The following VAC14 variants were observed in gnomAD, a reference collection of about 807,000 sequenced individuals.
VAC14 encodes VAC14 component of PIKFYVE complex.
VAC14 carries 47 observed loss-of-function variants against 85.3 expected under a neutral mutation model. The ratio of observed to expected loss-of-function variants is 0.55; its 90% CI spans 0.44 to 0.70. The LOEUF (loss-of-function observed/expected upper bound fraction) is 0.70. VAC14 is among the 30% of genes least tolerant of loss of function. The probability of loss-of-function intolerance (pLI) is 0.00; values close to 1 mark genes in which losing one functional copy is unlikely to be tolerated. For missense variants in VAC14, 861 were observed against 1,004.3 expected (o/e 0.86, Z 1.93); for synonymous variants, 447 against 430.5 (o/e 1.04, Z -0.47).
At chr16:70,799,774 T>C (rs1056374206) in intron 1 of VAC14, among the ~76,000 whole-genome samples, 23 of 152,188 alleles carry the variant, frequency 1.5e-4, no homozygotes, top group African/African-American at 2.7e-4. Flanking sequence ...CACCACGGAA[T>C]AGATTAGAGC....
chr16:70,695,641 G>A lies in VAC14; in HGVS notation c.1956-18C>T. ...GGTCCCCACTGGGTGTGCAGTCAAG[G>A]AAAGTCTGTCTGCTGGGCCAGCACA... is the stretch of plus-strand genomic sequence containing the variant. On this transcript the variant is annotated intron_variant, in intron 16 of 18. Coordinates refer to ENST00000261776, the MANE Select transcript of VAC14 (RefSeq NM_018052.5). 1.2e-6 allele frequency: 2 copies of A among 1,610,718 alleles called. No homozygotes were observed. The highest frequency in any genetic ancestry group is 1.7e-6 in the Non-Finnish European group (2 of 1,177,488).
At chr16:70,708,105 T>C (rs1446730134) in intron 14 of VAC14, among the ~76,000 whole-genome samples, 1 of 152,138 alleles carries the variant, frequency 6.6e-6, no homozygotes, top group African/African-American at 2.4e-5. Flanking sequence ...TTATTTTCCA[T>C]GTGTCTTTTC....
intron 12 of VAC14, among the ~76,000 whole-genome samples, chr16:70,761,536 G>A (rs1258698718): frequency 1.3e-5 from 2 of 152,250 alleles, no homozygotes; most frequent in Non-Finnish European, 2.9e-5. Context: ...CTGGGAGGCA[G>A]GGGAACCCGG....
chr16:70,765,708 T>C (rs2032753541), intron 10 of VAC14, among the ~76,000 whole-genome samples: 2 of 152,156 alleles, frequency 1.3e-5, no homozygotes, highest in South Asian at 4.1e-4. Flanking sequence ...CCTGGTGGCA[T>C]CGCCTCCACT....
chr16:70,782,860 G>A (rs1246038012), intron 7 of VAC14, among the ~76,000 whole-genome samples, 173 bp downstream of exon 7: 5 of 152,168 alleles, frequency 3.3e-5, no homozygotes, highest in African/African-American at 1.2e-4. Context: ...ACCTCCCTCT[G>A]TGAGACCCAG....
intron 13 of VAC14, among the ~76,000 whole-genome samples, chr16:70,741,192 A>G (rs2030263843): frequency 6.6e-6 from 1 of 152,262 alleles, no homozygotes; most frequent in South Asian, 2.1e-4. Context: ...AAACAGGAAG[A>G]GGGTATGGCT....
At chr16:70,694,657 C>G (rs1473867517) in intron 17 of VAC14, among the ~76,000 whole-genome samples, 2 of 152,230 alleles carry the variant, frequency 1.3e-5, no homozygotes, top group Non-Finnish European at 2.9e-5. Context: ...TGGCCACCAG[C>G]AGAGTGGCCT....
intron 17 of VAC14, 147 bp from the exon 18 acceptor site, chr16:70,693,118 C>A (rs2053632101): frequency 8.9e-7 from 1 of 1,126,572 alleles, no homozygotes; most frequent in East Asian, 2.6e-5. Flanking sequence ...GTGGACCCAG[C>A]CAGGTGGCTG....
chr16:70,755,883 C>A (rs1003430664), intron 12 of VAC14: 13 of 393,134 alleles, frequency 3.3e-5, no homozygotes, highest in Non-Finnish European at 5.6e-5. Flanking sequence ...GCAGCCCCAG[C>A]CACCTGGGAA....
chr16:70,764,285 GC>G (rs2032637024), intron 10 of VAC14, among the ~76,000 whole-genome samples: 1 of 152,192 alleles, frequency 6.6e-6, no homozygotes, highest in Non-Finnish European at 1.5e-5. Flanking sequence ...TCCTCTGGTG[GC>G]CAGGAGCTCC....
chr16:70,757,186 T>C (rs746074117), intron 12 of VAC14, among the ~76,000 whole-genome samples: 3 of 152,190 alleles, frequency 2.0e-5, no homozygotes, highest in Non-Finnish European at 4.4e-5. Flanking sequence ...TAGGCCCAAC[T>C]GCAAAGAAAA....
intron 13 of VAC14, among the ~76,000 whole-genome samples, chr16:70,740,370 G>C (rs1269394845): frequency 6.6e-6 from 1 of 152,234 alleles, no homozygotes; most frequent in Non-Finnish European, 1.5e-5. Context: ...GCCTCAGACT[G>C]ACACATTACT....
chr16:70,709,578 C>T (rs2053986688), intron 14 of VAC14, among the ~76,000 whole-genome samples: 1 of 152,216 alleles, frequency 6.6e-6, no homozygotes, highest in African/African-American at 2.4e-5. Flanking sequence ...AATGGTTTGT[C>T]TCCAAGGGTA....
intron 13 of VAC14, among the ~76,000 whole-genome samples, chr16:70,739,276 C>T (rs2030022512): frequency 6.6e-6 from 1 of 152,206 alleles, no homozygotes; most frequent in Admixed American, 6.5e-5. Flanking sequence ...ATCCCTACTG[C>T]TGCTTCCTGA....
chr16:70,718,203 A>T (rs936536261), intron 14 of VAC14, among the ~76,000 whole-genome samples: 1 of 152,160 alleles, frequency 6.6e-6, no homozygotes, highest in Non-Finnish European at 1.5e-5. Context: ...AGCACTTTCC[A>T]TATGCTTCGT....
intron 2 of VAC14, 59 bp downstream of exon 2, chr16:70,786,156 T>C: frequency 6.3e-7 from 1 of 1,584,914 alleles, no homozygotes; most frequent in Non-Finnish European, 8.6e-7. Flanking sequence ...GGCATCGGGA[T>C]GGCTTGGTCA....
intron 12 of VAC14, chr16:70,755,350 T>G: frequency 9.4e-6 from 2 of 212,992 alleles, no homozygotes; most frequent in Middle Eastern, 4.9e-4. Context: ...CATTTAGAAC[T>G]GAAGGTCAGC....
chr16:70,689,505 C>T, intron 18 of VAC14: 1 of 985,514 alleles, frequency 1.0e-6, no homozygotes, highest in Non-Finnish European at 1.2e-6. Context: ...AGGACCAGGG[C>T]AGGGGGACTC....
intron 13 of VAC14, among the ~76,000 whole-genome samples, chr16:70,732,595 T>C (rs562057201): frequency 2.0e-5 from 3 of 151,886 alleles, no homozygotes; most frequent in Admixed American, 2.0e-4. Flanking sequence ...GTGAAAGGAG[T>C]TACCAAGGGA....
Sources: gnomAD v4.1 joint callset for allele counts (sites outside exome capture counted in the v4.1 genomes callset) on GRCh38, gnomAD v4.1.1 for gene constraint, MANE v1.5 for transcripts, NCBI Gene and HGNC (gene_info 2026-07-23, HGNC 2026-07-21) for gene names.